Variants in ACSL4 observed in about 807,000 individuals in gnomAD.
ACSL4 encodes the protein acyl-CoA synthetase long chain family member 4, also known as long-chain-fatty-acid--CoA ligase 4.
Under a neutral mutation model 49.1 loss-of-function variants are expected in ACSL4, and 9 were observed. That is an observed-to-expected ratio of 0.18 (90% CI 0.11 to 0.32). ACSL4 has a LOEUF of 0.32. Ranked by LOEUF, ACSL4 falls within the 10% of genes least tolerant of loss-of-function variation. The pLI is 1.00. For synonymous variants in ACSL4, 191 were observed against 170.3 expected (o/e 1.12, Z -0.95); for missense variants, 333 against 493.7 (o/e 0.67, Z 3.08).
intron 15 of ACSL4, among the ~76,000 whole-genome samples, chrX:109,653,665 T>C (rs1250141418): frequency 1.8e-5 from 2 of 109,766 alleles, no homozygotes; most frequent in African/African-American, 6.7e-5. Flanking sequence ...GGGACATGGA[T>C]GAAATTGGAA....
intron 2 of ACSL4, among the ~76,000 whole-genome samples, chrX:109,695,381 G>A (rs1344605677): frequency 2.8e-5 from 3 of 108,470 alleles, no homozygotes; most frequent in Non-Finnish European, 5.7e-5. Flanking sequence ...TCAACGTATC[G>A]GGGCAAGCAT....
intron 9 of ACSL4, among the ~76,000 whole-genome samples, chrX:109,671,310 C>T (rs1268851046): frequency 2.7e-5 from 3 of 109,764 alleles, no homozygotes; most frequent in African/African-American, 3.3e-5. Context: ...GTCTCTGCCC[C>T]GCCGCCGCCC....
intron 1 of ACSL4, among the ~76,000 whole-genome samples, chrX:109,699,612 A>G (rs1201806473): frequency 8.9e-6 from 1 of 111,921 alleles, no homozygotes; most frequent in Non-Finnish European, 1.9e-5. Context: ...AAATATGTAC[A>G]TATATTTGAG....
intron 15 of ACSL4, among the ~76,000 whole-genome samples, chrX:109,648,553 C>T: frequency 9.0e-6 from 1 of 111,503 alleles, no homozygotes. Flanking sequence ...CTATGACAAA[C>T]CCACAGCCAA....
intron 8 of ACSL4, among the ~76,000 whole-genome samples, chrX:109,675,123 T>C (rs1307328996): frequency 8.9e-6 from 1 of 112,308 alleles, no homozygotes. Context: ...ATGTGCACAT[T>C]TGCAAGTGGA....
chrX:109,730,991 A>G (rs1229228600), intron 1 of ACSL4, among the ~76,000 whole-genome samples: 1 of 111,922 alleles, frequency 8.9e-6, no homozygotes, highest in Non-Finnish European at 1.9e-5. Flanking sequence ...TCTAAAAGCC[A>G]TGGACATTTA....
Position 109,668,188 on chromosome X carries a change from G to A in ACSL4, c.1228C>T (p.His410Tyr), listed in dbSNP as rs944334736. Residue 410 changes from histidine (H) to tyrosine (Y), a missense_variant, in exon 11 of 16, where the codon CAC (histidine) becomes TAC (tyrosine). By Grantham distance (83) the His-to-Tyr change is moderately conservative. Transcript: ENST00000672401. ...SGGAPLSPQTHRFMNVCFCCP... is the reference protein window; with the variant it reads ...SGGAPLSPQTYRFMNVCFCCP... ...CAGAAGCAGACATTCATGAATCGGT[G>A]TGTCTGAGGAGATAGCGGGGCCCCT... The A allele has an allele frequency of 3.3e-6, 4 of 1,208,968 alleles. No individual in the cohort carries two copies. The highest frequency in any genetic ancestry group is 4.5e-6 in the Non-Finnish European group (4 of 892,904).
At chrX:109,644,602 C>T (rs1204377712) in intron 15 of ACSL4, among the ~76,000 whole-genome samples, 3 of 112,127 alleles carry the variant, frequency 2.7e-5, no homozygotes, top group Non-Finnish European at 5.6e-5. Flanking sequence ...ATACTTTATC[C>T]ATATGTCTGC....
intron 1 of ACSL4, among the ~76,000 whole-genome samples, chrX:109,703,104 G>T (rs1926090305): frequency 8.9e-6 from 1 of 111,832 alleles, no homozygotes; most frequent in South Asian, 3.7e-4. Context: ...AAAGTGTGTG[G>T]ATATTACTTC....
intron 2 of ACSL4, among the ~76,000 whole-genome samples, chrX:109,689,011 A>G (rs751779985): frequency 2.0e-4 from 22 of 111,177 alleles, no homozygotes; most frequent in Non-Finnish European, 3.6e-4. Context: ...AGATCCACTT[A>G]GGTGTCAGTT....
intron 1 of ACSL4, among the ~76,000 whole-genome samples, chrX:109,707,125 C>T (rs1603410344): frequency 8.9e-6 from 1 of 111,898 alleles, no homozygotes; most frequent in East Asian, 2.8e-4. Flanking sequence ...AACATAGACC[C>T]TTAGAGTTAA....
At position 109,663,400 on chromosome X, in the gene ACSL4, C is replaced by A; in HGVS notation, c.1393G>T (p.Gly465Cys). 1 of 1,205,080 alleles carries A rather than the reference C, an allele frequency of 8.3e-7. No homozygotes were observed. The highest frequency in any genetic ancestry group is 1.1e-6 in the Non-Finnish European group (1 of 889,801). ...TTTGGCTTGTCATTAATTGTATAACCGCCTGGAAATCATAAAAGTAAATTA... is the reference window on the plus strand; with the variant it reads ...TTTGGCTTGTCATTAATTGTATAACAGCCTGGAAATCATAAAAGTAAATTA... ...EIKLKDWQEG[G>C]YTINDKPNPR... Residue 465 changes from glycine (G) to cysteine (C), a missense_variant and splice_region_variant, in exon 13 of 16, where the codon GGT (glycine) becomes TGT (cysteine). Physicochemically the swap from Gly to Cys is radical, Grantham distance 159. Coordinates refer to ENST00000672401, the MANE Select transcript of ACSL4 (RefSeq NM_001318510.2).
chrX:109,693,675 G>C (rs1336688891), intron 2 of ACSL4, among the ~76,000 whole-genome samples: 1 of 111,866 alleles, frequency 8.9e-6, no homozygotes, highest in Non-Finnish European at 1.9e-5. Flanking sequence ...AGATGAGTAA[G>C]ACAAGGTTGA....
At chrX:109,699,974 A>G (rs1489097278) in intron 1 of ACSL4, among the ~76,000 whole-genome samples, 1 of 108,370 alleles carries the variant, frequency 9.2e-6, no homozygotes, top group African/African-American at 3.4e-5. Context: ...TCCCAGCACT[A>G]TCGGAGGCTG....
chrX:109,732,199 C>A (rs1928511786), intron 1 of ACSL4, among the ~76,000 whole-genome samples: 1 of 112,071 alleles, frequency 8.9e-6, no homozygotes, highest in Non-Finnish European at 1.9e-5. Flanking sequence ...CCATTTTACC[C>A]TTATTTTGCA....
At chrX:109,680,890 T>C in intron 6 of ACSL4, 108 bp downstream of exon 6, 3 of 861,223 alleles carry the variant, frequency 3.5e-6, no homozygotes, top group Non-Finnish European at 5.0e-6. Flanking sequence ...ACTTTTTTTT[T>C]TCAGTCAAAG....
chrX:109,700,511 T>C (rs1603409248), intron 1 of ACSL4, among the ~76,000 whole-genome samples: 1 of 105,139 alleles, frequency 9.5e-6, no homozygotes, highest in African/African-American at 3.5e-5. Context: ...CACTCCAGCC[T>C]GGGTGACAGA....
chrX:109,716,575 T>C (rs780856932), intron 1 of ACSL4, among the ~76,000 whole-genome samples: 36 of 112,566 alleles, frequency 3.2e-4, no homozygotes, highest in African/African-American at 1.1e-3. Flanking sequence ...GCTGTCTGGT[T>C]ATAATACTCC....
chrX:109,676,077 G>A (rs1223669799), intron 8 of ACSL4, among the ~76,000 whole-genome samples: 1 of 111,401 alleles, frequency 9.0e-6, no homozygotes, highest in Non-Finnish European at 1.9e-5. Flanking sequence ...TTCCTTCAAA[G>A]AGAATCCAAT....
Sources: gnomAD v4.1 joint callset for allele counts (sites outside exome capture counted in the v4.1 genomes callset) on GRCh38, gnomAD v4.1.1 for gene constraint, MANE v1.5 for transcripts, NCBI Gene and HGNC (gene_info 2026-07-23, HGNC 2026-07-21) for gene names.